Variants in SGCD observed in about 807,000 individuals in gnomAD.
SGCD encodes the protein sarcoglycan delta.
In SGCD, 18 loss-of-function variants were observed where a neutral mutation model predicts 36.6. The observed-to-expected ratio is 0.49, with a 90% CI of 0.34 to 0.73. The LOEUF (loss-of-function observed/expected upper bound fraction) is 0.73. SGCD is among the 30% of genes least tolerant of loss of function. The pLI is 0.01. For missense variants in SGCD, 387 were observed against 346.7 expected, an observed-to-expected ratio of 1.12 and a Z score of -0.92; for synonymous variants, 133 against 130.6, an observed-to-expected ratio of 1.02 and a Z score of -0.12.
the SGCD span, among the ~76,000 whole-genome samples, chr5:155,818,963 G>A: frequency 1.3e-5 from 2 of 151,946 alleles, no homozygotes. Flanking sequence ...AGAACTTTCT[G>A]TAAATTGTTT....
At position 156,329,590 on chromosome 5, in the gene SGCD, C is replaced by G; in HGVS notation, c.3+11C>G. 1 of 1,612,226 alleles carries G rather than the reference C, an allele frequency of 6.2e-7. No homozygotes were observed. The highest frequency in any genetic ancestry group is 8.5e-7 in the Non-Finnish European group (1 of 1,178,678). On this transcript the variant is annotated intron_variant, in intron 2 of 8. Coordinates refer to ENST00000337851, the MANE Select transcript of SGCD (RefSeq NM_000337.6). ...GACCAGGTGGAGATGGTGAGTAATTCCCGGGAGCGAAGCTTGTTCAAGGCC... is the reference window on the plus strand; with the variant it reads ...GACCAGGTGGAGATGGTGAGTAATTGCCGGGAGCGAAGCTTGTTCAAGGCC...
At chr5:156,429,024 A>G (rs1481379812) in intron 3 of SGCD, among the ~76,000 whole-genome samples, 4 of 151,878 alleles carry the variant, frequency 2.6e-5, no homozygotes, top group Non-Finnish European at 4.4e-5. Flanking sequence ...TGCTCAATCC[A>G]TTTCTTCTAG....
intron 3 of SGCD, among the ~76,000 whole-genome samples, chr5:156,412,787 C>CGTTTTTTTTTTTTTTTTTTTTTT (rs1772830431): frequency 9.5e-6 from 1 of 105,032 alleles, no homozygotes; most frequent in Non-Finnish European, 1.9e-5. Flanking sequence ...AGGGTTGGTT[C>CGTTTTTTTTTTTTTTTTTTTTTT]TTTTTTTTTT....
chr5:156,013,981 G>C (rs2127571489), intron 1 of SGCD, among the ~76,000 whole-genome samples: 1 of 151,472 alleles, frequency 6.6e-6, no homozygotes, highest in African/African-American at 2.4e-5. Flanking sequence ...TTATTTACGA[G>C]ATAGGGATGC....
chr5:156,133,996 C>T (rs899885213), intron 3 of SGCD, among the ~76,000 whole-genome samples: 18 of 151,236 alleles, frequency 1.2e-4, no homozygotes, highest in Admixed American at 9.2e-4. Context: ...CAAGAAATGG[C>T]CATTTTAACT....
At chr5:156,081,847 A>T (rs1760961352) in intron 1 of SGCD, among the ~76,000 whole-genome samples, 1 of 152,230 alleles carries the variant, frequency 6.6e-6, no homozygotes, top group Non-Finnish European at 1.5e-5. Flanking sequence ...TGCACGGAGG[A>T]TACAAAAATC....
intron 3 of SGCD, among the ~76,000 whole-genome samples, chr5:156,299,834 G>T (rs1216723921): frequency 6.6e-6 from 1 of 151,832 alleles, no homozygotes; most frequent in Non-Finnish European, 1.5e-5. Context: ...ATCTTTTTTT[G>T]GTGGAGTCTT....
chr5:155,886,654 G>T (rs17052948), intron 1 of SGCD, among the ~76,000 whole-genome samples: 2 of 152,198 alleles, frequency 1.3e-5, no homozygotes, highest in African/African-American at 4.8e-5. Context: ...AGTTGCAAAA[G>T]GATATTCCTG....
intron 1 of SGCD, among the ~76,000 whole-genome samples, chr5:155,968,311 T>G (rs995624138): frequency 6.6e-6 from 1 of 152,124 alleles, no homozygotes; most frequent in African/African-American, 2.4e-5. Context: ...CGTGGGTGCT[T>G]TTGGACTCAG....
At chr5:156,150,393 G>C (rs1034891521) in intron 3 of SGCD, among the ~76,000 whole-genome samples, 2 of 151,584 alleles carry the variant, frequency 1.3e-5, no homozygotes, top group African/African-American at 4.9e-5. Flanking sequence ...CTTTGTATTT[G>C]GTCGATGTGC....
intron 3 of SGCD, among the ~76,000 whole-genome samples, chr5:156,347,927 A>G (rs1769032019): frequency 6.6e-6 from 1 of 152,180 alleles, no homozygotes; most frequent in African/African-American, 2.4e-5. Context: ...AGCTTTACCA[A>G]ACTTACTGAG....
chr5:156,093,489 T>C (rs955851977), intron 1 of SGCD, among the ~76,000 whole-genome samples: 1 of 152,258 alleles, frequency 6.6e-6, no homozygotes, highest in Non-Finnish European at 1.5e-5. Flanking sequence ...GTAAATATGT[T>C]CTAAGAATTC....
At chr5:156,519,021 G>T (rs1295565783) in intron 4 of SGCD, among the ~76,000 whole-genome samples, 1 of 151,634 alleles carries the variant, frequency 6.6e-6, no homozygotes, top group Non-Finnish European at 1.5e-5. Context: ...GAAGGAGTTG[G>T]AGACACAAAA....
At chr5:156,644,751 A>G (rs1239374266) in intron 6 of SGCD, among the ~76,000 whole-genome samples, 1 of 152,118 alleles carries the variant, frequency 6.6e-6, no homozygotes, top group Non-Finnish European at 1.5e-5. Flanking sequence ...ATCCAAAACC[A>G]GAGATTTTTA....
intron 3 of SGCD, among the ~76,000 whole-genome samples, chr5:156,388,301 G>A (rs1021986625): frequency 1.3e-5 from 2 of 152,102 alleles, no homozygotes; most frequent in South Asian, 2.1e-4. Context: ...GAACACTTCT[G>A]TTTGTGCCAT....
At position 155,945,202 on chromosome 5, in the gene SGCD, G is replaced by A. The variant is rs902787111; in HGVS notation, c.-282+74778G>A. 5.9e-5 allele frequency among the ~76,000 whole-genome samples: 9 copies of A among 152,324 alleles called. No individual in the cohort carries two copies. The East Asian group carries it at 1.5e-3, about 26-fold the overall frequency. ...ATTCAAGCAGAGTTTGTAAAACCATGTTAATACTGCCAAATGAACTAACTG... is the reference window on the plus strand; with the variant it reads ...ATTCAAGCAGAGTTTGTAAAACCATATTAATACTGCCAAATGAACTAACTG... On this transcript the variant is annotated intron_variant, in intron 1 of 9. Transcript: ENST00000517913.
intron 7 of SGCD, among the ~76,000 whole-genome samples, chr5:156,740,790 T>G (rs1169802187): frequency 6.6e-6 from 1 of 152,210 alleles, no homozygotes; most frequent in Non-Finnish European, 1.5e-5. Flanking sequence ...CCGATTTAAT[T>G]TGTGTGGGTT....
intron 1 of SGCD, among the ~76,000 whole-genome samples, chr5:155,926,799 GA>G (rs777118800): frequency 1.3e-5 from 2 of 152,094 alleles, no homozygotes; most frequent in Non-Finnish European, 2.9e-5. Flanking sequence ...GTAATGGTGG[GA>G]AGAAATTTAC....
At chr5:156,009,904 T>G (rs748828773) in intron 1 of SGCD, among the ~76,000 whole-genome samples, 10 of 152,182 alleles carry the variant, frequency 6.6e-5, no homozygotes, top group Admixed American at 1.3e-4. Flanking sequence ...TAGACATTTT[T>G]AAAAAATAAA....
Sources: gnomAD v4.1 joint callset for allele counts (sites outside exome capture counted in the v4.1 genomes callset) on GRCh38, gnomAD v4.1.1 for gene constraint, MANE v1.5 for transcripts, NCBI Gene and HGNC (gene_info 2026-07-23, HGNC 2026-07-21) for gene names.